ABCG8: variants seen among roughly 807,000 people sequenced by gnomAD.
The protein encoded by ABCG8 is ATP binding cassette subfamily G member 8.
A neutral mutation model predicts 71.3 loss-of-function variants in ABCG8; 81 were observed. The observed-to-expected ratio is 1.14, with a 90% CI of 0.95 to 1.37. ABCG8 has a LOEUF of 1.37. Among genes scored for constraint, ABCG8 ranks in the 40% most tolerant of loss-of-function variants. The pLI, the probability that ABCG8 is intolerant of heterozygous loss-of-function variation, is 0.00. For missense variants in ABCG8, 1,119 were observed against 866.2 expected, an observed-to-expected ratio of 1.29 and a Z score of -3.66; for synonymous variants, 451 against 354.7, an observed-to-expected ratio of 1.27 and a Z score of -3.05.
At chr2:43,861,946 A>G (rs1669335578) in intron 6 of ABCG8, among the ~76,000 whole-genome samples, 1 of 151,202 alleles carries the variant, frequency 6.6e-6, no homozygotes. Flanking sequence ...CTACCTCGAT[A>G]TAATTCTCAC....
At chr2:43,867,383 C>CTCTCACTATCTGGATAAAAT (rs1253413501) in intron 6 of ABCG8, among the ~76,000 whole-genome samples, 1 of 151,956 alleles carries the variant, frequency 6.6e-6, no homozygotes, top group Non-Finnish European at 1.5e-5. Flanking sequence ...CTGGAGAGAA[C>CTCTCACTATCTGGATAAAAT]TCTCACTATC....
At chr2:43,869,643 C>A (rs72798828) in intron 6 of ABCG8, among the ~76,000 whole-genome samples, 8,104 of 151,978 alleles carry the variant, frequency 0.053, 252 homozygotes, top group Middle Eastern at 0.11. Context: ...AGAACTGTCA[C>A]CCTGTGGATA....
rs1572834482 is a variant in ABCG8 at position 43,851,926 on chromosome 2, G to A, written c.561+104G>A. 3.0e-6 allele frequency: 4 copies of A among 1,334,496 alleles called. 1 individual carries two copies. The highest frequency in any genetic ancestry group is 4.3e-6 in the Non-Finnish European group (4 of 938,572). The allele number at this position is 1,334,496 out of a possible 1,614,324, so 82.7% of individuals were successfully genotyped here. A position where few individuals can be genotyped will look rare whatever the true frequency, so the allele number is the denominator to read the frequency against. On this transcript the variant is annotated intron_variant, in intron 4 of 12. Transcript: ENST00000272286. ...GCCTCAGGACCCAGCCGCAGGTCGAGTTTGAACAACTCAGCTTGCCTTCCG... is the reference window on the plus strand; with the variant it reads ...GCCTCAGGACCCAGCCGCAGGTCGAATTTGAACAACTCAGCTTGCCTTCCG...
chr2:43,864,436 G>A (rs1172230174), intron 6 of ABCG8, among the ~76,000 whole-genome samples: 1 of 149,148 alleles, frequency 6.7e-6, no homozygotes, highest in Non-Finnish European at 1.5e-5. Context: ...GAATAGAACT[G>A]TCAGTATCTG....
At chr2:43,864,178 A>T (rs907957173) in intron 6 of ABCG8, among the ~76,000 whole-genome samples, 2 of 151,454 alleles carry the variant, frequency 1.3e-5, no homozygotes, top group Non-Finnish European at 3.0e-5. Context: ...CTCTGGATAG[A>T]ACTCTCACTC....
chr2:43,859,076 A>G (rs1476167692), intron 6 of ABCG8, among the ~76,000 whole-genome samples: 1 of 151,480 alleles, frequency 6.6e-6, no homozygotes, highest in Admixed American at 6.6e-5. Context: ...ATCTGTCTGG[A>G]TAGAACTGTC....
intron 6 of ABCG8, among the ~76,000 whole-genome samples, chr2:43,866,395 A>C (rs566148439): frequency 6.6e-6 from 1 of 152,194 alleles, no homozygotes; most frequent in Admixed American, 6.5e-5. Flanking sequence ...AACTACCATC[A>C]GAGTGAACAG....
In ABCG8 at chr2:43,877,643, T is replaced by C. The variant is rs147582834; in HGVS notation, c.1839T>C (p.Tyr613=). The C allele has an allele frequency of 2.8e-4, 448 of 1,614,130 alleles. No individual in the cohort carries two copies. The highest frequency in any genetic ancestry group is 5.9e-4 in the African/African-American group (44 of 75,016). Residue 613 remains tyrosine (Y), a synonymous_variant, in exon 12 of 13, where the codon TAT becomes TAC. Coordinates refer to ENST00000272286, the MANE Select transcript of ABCG8 (RefSeq NM_022437.3). Reference sequence around the variant, plus strand: ...AGATTCAGTTCAGCAGAAGAACTTATAAAATGCCTCTCGGGAACCTCACCA... The same window carrying C: ...AGATTCAGTTCAGCAGAAGAACTTACAAAATGCCTCTCGGGAACCTCACCA... ...LMKIQFSRRT[Y]KMPLGNLTIA...
chr2:43,854,304 A>C (rs894841327), intron 6 of ABCG8, among the ~76,000 whole-genome samples: 2 of 152,112 alleles, frequency 1.3e-5, no homozygotes, highest in Non-Finnish European at 2.9e-5. Flanking sequence ...CCCCACCTAG[A>C]CATTATCTTG....
Position 43,879,363 on chromosome 2 carries a change from C to T in ABCG8, c.*1450C>T, listed in dbSNP as rs542706769. 2.6e-5 allele frequency: 4 copies of T among 152,304 alleles called. No homozygotes were observed. Among genetic ancestry groups the T allele is most frequent in the African/African-American group, 9.6e-5 (4 of 41,556 alleles). The allele number at this position is 152,304 out of a possible 1,614,324, so 9.4% of individuals were successfully genotyped here. On this transcript the variant is annotated 3_prime_UTR_variant, in exon 13 of 13. Coordinates refer to ENST00000272286, the MANE Select transcript of ABCG8 (RefSeq NM_022437.3). ...TCTTCATAGGTTCACTAGAGTCTTG[C>T]TACTCCAAGTACGATCCCTGGGCCA...
intron 6 of ABCG8, among the ~76,000 whole-genome samples, chr2:43,870,160 G>A (rs1345545792): frequency 6.6e-6 from 1 of 151,894 alleles, no homozygotes; most frequent in Non-Finnish European, 1.5e-5. Context: ...TACCTGTCTC[G>A]ATAGAATTCT....
chr2:43,877,883 C>T lies in ABCG8; in HGVS notation c.1992C>T (p.Phe664=). The part of the protein sequence containing the change: ...FMVLYYVSLR[F]IKQKPSQDW ...TCCTGTACTACGTGTCCTTAAGGTT[C>T]ATCAAACAGAAACCAAGTCAAGACT... is the stretch of plus-strand genomic sequence containing the variant. Residue 664 remains phenylalanine (F), a synonymous_variant, in exon 13 of 13, where the codon TTC becomes TTT. Transcript: ENST00000272286. The T allele has an allele frequency of 6.2e-7, 1 of 1,614,122 alleles. No homozygotes were observed. Among genetic ancestry groups the T allele is most frequent in the Non-Finnish European group, 8.5e-7 (1 of 1,180,024 alleles).
At chr2:43,862,896 C>T (rs1669377869) in intron 6 of ABCG8, among the ~76,000 whole-genome samples, 10 of 145,498 alleles carry the variant, frequency 6.9e-5, no homozygotes, top group African/African-American at 2.0e-4. Context: ...GAATTTTCAC[C>T]ATCTGGAAAC....
At chr2:43,876,876 T>A (rs1669975708) in intron 11 of ABCG8, among the ~76,000 whole-genome samples, 1 of 149,084 alleles carries the variant, frequency 6.7e-6, no homozygotes, top group African/African-American at 2.5e-5. Flanking sequence ...ATTGTGCGAA[T>A]ATGGGGAGAC....
intron 6 of ABCG8, among the ~76,000 whole-genome samples, chr2:43,854,511 C>G (rs1669033929): frequency 6.6e-6 from 1 of 151,402 alleles, no homozygotes; most frequent in African/African-American, 2.4e-5. Context: ...CCTATAGTAC[C>G]AGCTACTTGG....
chr2:43,865,749 C>A (rs902380433), intron 6 of ABCG8, among the ~76,000 whole-genome samples: 1 of 152,082 alleles, frequency 6.6e-6, no homozygotes, highest in Admixed American at 6.6e-5. Flanking sequence ...TTCTTAATCT[C>A]TGGATAGAAG....
rs769213977 is a variant in ABCG8 at position 43,852,780 on chromosome 2, C to G, written c.876C>G (p.Ile292Met). 2 of 1,614,166 alleles carry G rather than the reference C, an allele frequency of 1.2e-6. No individual in the cohort carries two copies. Among genetic ancestry groups the G allele is most frequent in the African/African-American group, 1.3e-5 (1 of 75,022 alleles). The change falls in exon 6 of 13, where the codon ATC becomes ATG. Residue 292 changes from isoleucine (I) to methionine (M), a missense_variant. Physicochemically the swap from Ile to Met is conservative, Grantham distance 10. Coordinates refer to ENST00000272286, the MANE Select transcript of ABCG8 (RefSeq NM_022437.3). The stretch of plus-strand genomic sequence containing the variant: ...TCCTGATGACGTCTGGCACCCCCAT[C>G]TACTTAGGGGCGGCCCAGCACATGG... Reference protein sequence around the residue: ...LVLLMTSGTPIYLGAAQHMVQ... With the variant: ...LVLLMTSGTPMYLGAAQHMVQ...
At chr2:43,869,522 G>T (rs962043376) in intron 6 of ABCG8, among the ~76,000 whole-genome samples, 3 of 151,814 alleles carry the variant, frequency 2.0e-5, no homozygotes, top group African/African-American at 7.3e-5. Context: ...TCACCATCTG[G>T]ATAAAACTCT....
chr2:43,873,994 T>C lies in ABCG8; in HGVS notation c.1411+8T>C. 1.9e-6 allele frequency: 3 copies of C among 1,613,730 alleles called. No homozygotes were observed. Among genetic ancestry groups the C allele is most frequent in the Non-Finnish European group, 2.5e-6 (3 of 1,180,026 alleles). On this transcript the variant is annotated splice_region_variant and intron_variant, in intron 9 of 12. Transcript: ENST00000272286. ...TGGATGTCATCTCCAAATGTGAGTG[T>C]GGCCCACTGGCATGGGCAGGCAGGA...
Sources: allele counts gnomAD v4.1 joint callset (sites outside exome capture counted in the v4.1 genomes callset), GRCh38; gene constraint gnomAD v4.1.1; transcripts MANE v1.5; gene names NCBI Gene and HGNC (gene_info 2026-07-23, HGNC 2026-07-21).